Variants in WWOX observed in about 807,000 individuals in gnomAD.
The protein encoded by WWOX is WW domain containing oxidoreductase.
Under a neutral mutation model 46.2 loss-of-function variants are expected in WWOX, and 69 were observed. The ratio of observed to expected loss-of-function variants is 1.49; its 90% CI spans 1.23 to 1.82. WWOX has a LOEUF of 1.82. Ranked by LOEUF, WWOX falls within the 40% of genes most tolerant of loss-of-function variation. WWOX has a pLI of 0.00. For synonymous variants in WWOX, 359 were observed against 202.6 expected, an observed-to-expected ratio of 1.77 and a Z score of -6.56; for missense variants, 919 against 542.6, an observed-to-expected ratio of 1.69 and a Z score of -6.89.
intron 8 of WWOX, among the ~76,000 whole-genome samples, chr16:78,730,097 C>T (rs964241750): frequency 6.6e-6 from 1 of 152,094 alleles, no homozygotes; most frequent in African/African-American, 2.4e-5. Flanking sequence ...GTGTTTTACT[C>T]CTTGCTATAA....
At chr16:78,834,972 G>A (rs1687322290) in intron 8 of WWOX, among the ~76,000 whole-genome samples, 1 of 152,176 alleles carries the variant, frequency 6.6e-6, no homozygotes, top group African/African-American at 2.4e-5. Flanking sequence ...CAGACACTGT[G>A]CTGAGTGTTC....
intron 8 of WWOX, among the ~76,000 whole-genome samples, chr16:79,121,303 A>G (rs2049626224): frequency 6.6e-6 from 1 of 152,192 alleles, no homozygotes; most frequent in Non-Finnish European, 1.5e-5. Context: ...GCATTTGTGA[A>G]AACTCGCTCA....
intron 4 of WWOX, among the ~76,000 whole-genome samples, chr16:78,161,987 A>T (rs1205246227): frequency 6.6e-6 from 1 of 152,100 alleles, no homozygotes; most frequent in East Asian, 1.9e-4. Flanking sequence ...TTTCACTCTT[A>T]CCATTTGGAT....
At chr16:78,562,865 G>A (rs914137744) in intron 8 of WWOX, among the ~76,000 whole-genome samples, 1 of 152,136 alleles carries the variant, frequency 6.6e-6, no homozygotes, top group Non-Finnish European at 1.5e-5. Context: ...ATAGCTGAGC[G>A]ACGTCGGAGC....
intron 5 of WWOX, among the ~76,000 whole-genome samples, chr16:78,305,219 C>G: frequency 6.6e-6 from 1 of 151,844 alleles, no homozygotes; most frequent in Non-Finnish European, 1.5e-5. Context: ...TTTTTCCTTT[C>G]CTTCCCCTTT....
intron 5 of WWOX, among the ~76,000 whole-genome samples, chr16:78,281,222 T>G (rs1286444864): frequency 6.6e-6 from 1 of 152,220 alleles, no homozygotes; most frequent in African/African-American, 2.4e-5. Flanking sequence ...GAGATCTCAC[T>G]CACTATGGTG....
chr16:78,334,799 C>T (rs959903925), intron 5 of WWOX, among the ~76,000 whole-genome samples: 2 of 49,848 alleles, frequency 4.0e-5, no homozygotes, highest in African/African-American at 2.0e-4. Flanking sequence ...CCTCCACACA[C>T]ACACACACGC....
chr16:78,699,699 A>G (rs1183849871), intron 8 of WWOX, among the ~76,000 whole-genome samples: 3 of 152,220 alleles, frequency 2.0e-5, no homozygotes, highest in African/African-American at 2.4e-5. Context: ...GCTGATATCT[A>G]CAGCCTCTAC....
At chr16:79,128,585 T>G (rs1244113518) in intron 8 of WWOX, among the ~76,000 whole-genome samples, 1 of 152,070 alleles carries the variant, frequency 6.6e-6, no homozygotes, top group African/African-American at 2.4e-5. Context: ...TTTATAACGG[T>G]TTGATTTCAG....
intron 8 of WWOX, among the ~76,000 whole-genome samples, chr16:79,002,811 C>A (rs1047480085): frequency 6.6e-6 from 1 of 152,136 alleles, no homozygotes; most frequent in East Asian, 1.9e-4. Context: ...GGATCCAAAA[C>A]CCATGCTCAT....
intron 6 of WWOX, among the ~76,000 whole-genome samples, chr16:78,399,943 A>G (rs1417236372): frequency 6.6e-6 from 1 of 152,206 alleles, no homozygotes; most frequent in Non-Finnish European, 1.5e-5. Flanking sequence ...CAGCGGTGCT[A>G]CACCGTGGCA....
intron 8 of WWOX, among the ~76,000 whole-genome samples, chr16:78,947,058 T>TG (rs1567667924): frequency 1.1e-5 from 1 of 90,402 alleles, no homozygotes; most frequent in Non-Finnish European, 2.8e-5. Context: ...AAAGAAAGTT[T>TG]CTTTTTTTAA....
intron 8 of WWOX, among the ~76,000 whole-genome samples, chr16:78,735,766 T>C (rs1279305284): frequency 6.6e-6 from 1 of 152,046 alleles, no homozygotes; most frequent in African/African-American, 2.4e-5. Context: ...TGTTGTTGAC[T>C]GAAGGCCCCT....
At chr16:78,332,977 A>G (rs973772884) in intron 5 of WWOX, among the ~76,000 whole-genome samples, 2 of 151,112 alleles carry the variant, frequency 1.3e-5, no homozygotes, top group Non-Finnish European at 2.9e-5. Context: ...TACTTATAAT[A>G]TAAAACAATC....
chr16:78,282,270 G>A (rs912094469), intron 5 of WWOX, among the ~76,000 whole-genome samples: 4 of 152,124 alleles, frequency 2.6e-5, no homozygotes, highest in African/African-American at 7.2e-5. Flanking sequence ...AGCTTCTACC[G>A]TCAATCTGCT....
intron 8 of WWOX, among the ~76,000 whole-genome samples, chr16:78,885,071 G>A (rs111350653): frequency 0.019 from 2,845 of 152,218 alleles, 52 homozygotes; most frequent in African/African-American, 0.027. Context: ...CCCAGGTTCA[G>A]TGGTGAGAGT....
intron 5 of WWOX, among the ~76,000 whole-genome samples, chr16:78,241,981 A>T (rs1315132876): frequency 2.6e-5 from 4 of 152,216 alleles, no homozygotes; most frequent in African/African-American, 9.7e-5. Flanking sequence ...AATTCCCCAT[A>T]GCTACACTAG....
At chr16:78,658,668 C>A (rs2047136559) in intron 8 of WWOX, among the ~76,000 whole-genome samples, 1 of 152,152 alleles carries the variant, frequency 6.6e-6, no homozygotes, top group Non-Finnish European at 1.5e-5. Flanking sequence ...ACATGGCCAT[C>A]TTCACTCTCT....
intron 8 of WWOX, among the ~76,000 whole-genome samples, chr16:79,122,485 C>A (rs2049657389): frequency 6.6e-6 from 1 of 151,958 alleles, no homozygotes; most frequent in African/African-American, 2.4e-5. Flanking sequence ...CCTTCTCTTG[C>A]TATTTCCTTT....
Sources: allele counts gnomAD v4.1 joint callset (sites outside exome capture counted in the v4.1 genomes callset), GRCh38; gene constraint gnomAD v4.1.1; transcripts MANE v1.5; gene names NCBI Gene and HGNC (gene_info 2026-07-23, HGNC 2026-07-21).